The following WDPCP variants were observed in gnomAD, a reference collection of about 807,000 sequenced individuals.
WDPCP encodes the protein WD repeat containing planar cell polarity effector.
In WDPCP, 71 loss-of-function variants were observed where a neutral mutation model predicts 93.1. The observed-to-expected ratio is 0.76, with a 90% confidence interval of 0.63 to 0.93. The LOEUF (loss-of-function observed/expected upper bound fraction) is 0.93, where lower values mean the gene tolerates loss of function less well. Among genes scored for constraint, WDPCP ranks in the 40% least tolerant of loss-of-function variants. WDPCP has a pLI of 0.00. For missense variants in WDPCP, 844 were observed against 887.4 expected, an observed-to-expected ratio of 0.95 and a Z score of 0.62; for synonymous variants, 315 against 315.0, an observed-to-expected ratio of 1.00 and a Z score of 0.00.
At chr2:63,321,324 GTATA>G (rs57474105) in intron 12 of WDPCP, among the ~76,000 whole-genome samples, 22 of 148,272 alleles carry the variant, frequency 1.5e-4, no homozygotes, top group African/African-American at 2.5e-4. Flanking sequence ...TATTATCAGA[GTATA>G]TATATATATA....
chr2:63,567,625 TA>T (rs1020736592), intron 1 of WDPCP, among the ~76,000 whole-genome samples: 1 of 152,202 alleles, frequency 6.6e-6, no homozygotes, highest in African/African-American at 2.4e-5. Flanking sequence ...TATCAGTTGC[TA>T]AAAGAGGCGT....
chr2:63,713,986 G>C (rs2103760922), intron 2 of WDPCP, among the ~76,000 whole-genome samples: 1 of 151,718 alleles, frequency 6.6e-6, no homozygotes, highest in Admixed American at 6.6e-5. Context: ...TTTTGGTTCT[G>C]TCTGTTCAGG....
At chr2:63,838,908 T>G in the WDPCP span, among the ~76,000 whole-genome samples, 53 of 152,312 alleles carry the variant, frequency 3.5e-4, 1 homozygote, top group African/African-American at 1.2e-3. Flanking sequence ...AAAGTGTTTG[T>G]GGGTTCAAAA....
At chr2:63,506,783 T>C (rs984806628) in intron 1 of WDPCP, among the ~76,000 whole-genome samples, 1 of 151,792 alleles carries the variant, frequency 6.6e-6, no homozygotes, top group Non-Finnish European at 1.5e-5. Flanking sequence ...CAGAAGAAAA[T>C]TGAAAATGGA....
rs1453684839 is a variant in WDPCP, at chr2:63,594,025, G to T, written n.488+56634C>A. On this transcript the variant is annotated intron_variant and non_coding_transcript_variant, in intron 3 of 4. Coordinates refer to the WDPCP transcript ENST00000467687. ...TTTTCCTCCTCCAGACAAAGTTGAA[G>T]CACGATTAATTGTCTTATTTAAATG... 3.3e-5 allele frequency among the ~76,000 whole-genome samples: 5 copies of T among 152,292 alleles called. No individual in the cohort carries two copies. In the East Asian group the frequency reaches 9.6e-4, roughly 29 times the overall value.
intron 2 of WDPCP, among the ~76,000 whole-genome samples, chr2:63,675,343 C>T (rs1032459988): frequency 8.5e-5 from 13 of 152,174 alleles, no homozygotes; most frequent in African/African-American, 2.4e-4. Flanking sequence ...CCTCAAAGCT[C>T]TCTGGGTGTT....
intron 2 of WDPCP, among the ~76,000 whole-genome samples, chr2:63,763,476 T>C (rs1451941631): frequency 7.0e-6 from 1 of 143,016 alleles, no homozygotes; most frequent in East Asian, 2.0e-4. Flanking sequence ...CATTCCACCC[T>C]GGGCAACAGA....
intron 2 of WDPCP, among the ~76,000 whole-genome samples, chr2:63,709,962 T>C (rs1475675976): frequency 6.6e-6 from 1 of 152,216 alleles, no homozygotes; most frequent in Non-Finnish European, 1.5e-5. Context: ...GTGAATCTAA[T>C]TGTAGTATCC....
At chr2:63,696,488 T>G (rs951365608) in intron 2 of WDPCP, among the ~76,000 whole-genome samples, 1 of 152,116 alleles carries the variant, frequency 6.6e-6, no homozygotes, top group Non-Finnish European at 1.5e-5. Context: ...AAGGGGTCCC[T>G]TCCCCTTCTC....
intron 1 of WDPCP, among the ~76,000 whole-genome samples, chr2:63,557,932 A>C (rs1162556281): frequency 1.3e-5 from 2 of 152,194 alleles, no homozygotes; most frequent in Non-Finnish European, 2.9e-5. Flanking sequence ...GAAATCAAGA[A>C]GTTCTTTGAA....
chr2:63,672,019 A>AT (rs1710353520), intron 2 of WDPCP, among the ~76,000 whole-genome samples: 1 of 152,102 alleles, frequency 6.6e-6, no homozygotes. Flanking sequence ...AAAAGGCTTG[A>AT]TTTTACTCCT....
intron 2 of WDPCP, among the ~76,000 whole-genome samples, chr2:63,654,786 C>T (rs1055041004): frequency 2.2e-4 from 34 of 152,012 alleles, no homozygotes; most frequent in African/African-American, 8.2e-4. Flanking sequence ...AAGGTAAATG[C>T]CATGCAAATA....
At chr2:63,589,374 A>G, upstream of WDPCP, 1 of 1,550,604 alleles carries the variant, frequency 6.4e-7, no homozygotes, top group African/African-American at 1.4e-5. Context: ...GTGTTTGATA[A>G]GGACGATAAG....
chr2:63,530,204 A>G (rs938722073), intron 1 of WDPCP, among the ~76,000 whole-genome samples: 16 of 151,768 alleles, frequency 1.1e-4, no homozygotes, highest in African/African-American at 1.9e-4. Flanking sequence ...ATCTCCTTCA[A>G]TTCTGCTCTG....
intron 12 of WDPCP, among the ~76,000 whole-genome samples, chr2:63,372,544 A>T (rs750808243): frequency 2.6e-5 from 4 of 152,170 alleles, no homozygotes; most frequent in Non-Finnish European, 5.9e-5. Flanking sequence ...GGAAAAAAGT[A>T]TAGTCTCCAC....
chr2:63,145,591 T>C (rs537930270), intron 17 of WDPCP, among the ~76,000 whole-genome samples: 8 of 152,268 alleles, frequency 5.3e-5, no homozygotes, highest in African/African-American at 1.9e-4. Flanking sequence ...GAAGGGCCTG[T>C]CTCACTCCCA....
At position 63,492,928 on chromosome 2, in the gene WDPCP, A is replaced by G; in HGVS notation, c.88T>C (p.Phe30Leu). The change falls in exon 2 of 18, where the codon TTC (phenylalanine) becomes CTC (leucine). Residue 30 changes from phenylalanine to leucine, a missense_variant. Phe to Leu is a conservative substitution (Grantham distance 22). Coordinates refer to ENST00000272321, the MANE Select transcript of WDPCP (RefSeq NM_015910.7). Reference sequence around the variant, plus strand: ...AAGCAGAAAGACATCTGATGGCAGAAGGAATCTCTATCCTGTTTAAAAAAT... The same window carrying G: ...AAGCAGAAAGACATCTGATGGCAGAGGGAATCTCTATCCTGTTTAAAAAAT... ...SPLPRQDRDS[F>L]CHQMSFCLTE... 6.2e-7 allele frequency: 1 copy of G among 1,613,560 alleles called. No homozygotes were observed. The highest frequency in any genetic ancestry group is 8.5e-7 in the Non-Finnish European group (1 of 1,179,860).
chr2:63,228,293 C>T (rs1286784248), intron 14 of WDPCP: 2 of 151,748 alleles, frequency 1.3e-5, no homozygotes, highest in Admixed American at 6.6e-5. Flanking sequence ...AAAATCCTTA[C>T]ACCTAACTAT....
In WDPCP at chr2:63,610,653, G is replaced by A. The variant is rs185525571; in HGVS notation, n.488+40006C>T. 4.6e-5 allele frequency among the ~76,000 whole-genome samples: 7 copies of A among 151,952 alleles called. No individual in the cohort carries two copies. In the South Asian group the frequency reaches 1.2e-3, roughly 27 times the overall value. ...CATTTAAGCCTTGTTTTTGTCCCAT[G>A]GCCTATAGCTCAGAAACATTCAATG... On this transcript the variant is annotated intron_variant and non_coding_transcript_variant, in intron 3 of 4. Transcript: ENST00000467687.
Sources: gnomAD v4.1 joint callset for allele counts (sites outside exome capture counted in the v4.1 genomes callset) on GRCh38, gnomAD v4.1.1 for gene constraint, MANE v1.5 for transcripts, NCBI Gene and HGNC (gene_info 2026-07-23, HGNC 2026-07-21) for gene names.